The following PCDHGA2 variants were observed in gnomAD, a reference collection of about 807,000 sequenced individuals.
PCDHGA2 encodes the protein protocadherin gamma-A2.
In PCDHGA2, 40 loss-of-function variants were observed where a neutral mutation model predicts 59.2. The observed-to-expected ratio is 0.68, with a 90% confidence interval of 0.52 to 0.88. PCDHGA2 has a LOEUF of 0.88. Among genes scored for constraint, PCDHGA2 ranks in the 40% least tolerant of loss-of-function variants. The pLI, the probability that PCDHGA2 is intolerant of heterozygous loss-of-function variation, is 0.00. For missense variants in PCDHGA2, 1,226 were observed against 1,204.0 expected (o/e 1.02, Z -0.27); for synonymous variants, 560 against 526.0 (o/e 1.06, Z -0.89).
In PCDHGA2 at chr5:141,344,822, G is replaced by A. The variant is rs752360843; in HGVS notation, c.2424+3427G>A. The A allele has an allele frequency of 9.9e-6, 16 of 1,613,830 alleles. No individual in the cohort carries two copies. In the Admixed American group the frequency reaches 1.5e-4, roughly 15 times the overall value. ...TGCCTGTGGGTACCCGGCTGCTCAC[G>A]GTGAATGCCACTGACCCTGACGAGG... On this transcript the variant is annotated intron_variant, in intron 1 of 3. Transcript: ENST00000394576.
Position 141,491,742 on chromosome 5 carries a change from C to CA in PCDHGA2, c.2425-3064dup. The CA allele has an allele frequency of 3.1e-6, 5 of 1,596,114 alleles. No individual in the cohort carries two copies. Among genetic ancestry groups the CA allele is most frequent in the Non-Finnish European group, 4.3e-6 (5 of 1,172,424 alleles). ...CGCCCCGGGCGACCCCTGGGGGCGG[C>CA]ACTGGAGAAGCCGCCCGTCCTCATA... On this transcript the variant is annotated intron_variant, in intron 1 of 3. Coordinates refer to ENST00000394576, the MANE Select transcript of PCDHGA2 (RefSeq NM_018915.4). This position sits in a 1 kb window ranked among gnomAD's most constrained non-coding sequence, Gnocchi z 6.9.
chr5:141,506,216 T>A (rs2237080), intron 3 of PCDHGA2, among the ~76,000 whole-genome samples: 78,167 of 151,604 alleles, frequency 0.52, 20,820 homozygotes, highest in African/African-American at 0.63. Flanking sequence ...TTTGGGAAGC[T>A]GAGGCAGGAG....
chr5:141,510,847 A>C (rs1279701390), intron 3 of PCDHGA2, 100 bp from the exon 4 acceptor site: 1 of 1,595,232 alleles, frequency 6.3e-7, no homozygotes, highest in Non-Finnish European at 8.6e-7. Context: ...GTCAAGGCCC[A>C]GGGTGCTGTA....
chr5:141,400,120 C>G, intron 1 of PCDHGA2: 1 of 1,614,076 alleles, frequency 6.2e-7, no homozygotes, highest in Non-Finnish European at 8.5e-7. Context: ...TGACAGCTTG[C>G]AGGAGGTGCT....
rs572270591 is a variant in PCDHGA2, at chr5:141,397,633, T to C, written c.2424+56238T>C. The stretch of plus-strand genomic sequence containing the variant: ...GGCAATACTTAGTTCTAGCTAAGAG[T>C]TCAAGGTATGTTTGCAGAATGGTGA... On this transcript the variant is annotated intron_variant, in intron 1 of 3. Coordinates refer to ENST00000394576, the MANE Select transcript of PCDHGA2 (RefSeq NM_018915.4). Among the ~76,000 whole-genome samples, 5 of 152,252 alleles carry C rather than the reference T, an allele frequency of 3.3e-5. No homozygotes were observed. In the East Asian group the frequency reaches 9.7e-4, roughly 29 times the overall value.
In PCDHGA2 at chr5:141,477,524, A is replaced by G. The variant is rs1302186932; in HGVS notation, c.2425-17283A>G. The stretch of plus-strand genomic sequence containing the variant: ...CTACGACGTTTACATTGAAGAAAAC[A>G]ACCTCCCCGGGGCTCCAATACTAAA... On this transcript the variant is annotated intron_variant, in intron 1 of 3. Coordinates refer to ENST00000394576, the MANE Select transcript of PCDHGA2 (RefSeq NM_018915.4). The surrounding 1 kb of genome is among the most constrained non-coding windows in gnomAD (Gnocchi z 4.9). The G allele has an allele frequency of 1.2e-6, 2 of 1,614,122 alleles. No individual in the cohort carries two copies. Among genetic ancestry groups the G allele is most frequent in the Non-Finnish European group, 1.7e-6 (2 of 1,180,022 alleles).
chr5:141,339,594 A>G lies in PCDHGA2; in HGVS notation c.623A>G (p.His208Arg). 6.2e-7 allele frequency: 1 copy of G among 1,614,202 alleles called. No individual in the cohort carries two copies. The highest frequency in any genetic ancestry group is 8.5e-7 in the Non-Finnish European group (1 of 1,180,038). The stretch of plus-strand genomic sequence containing the variant: ...CTGGACCGCGAGGAAGAGGCTGTTC[A>G]CCACCTCGTTCTCGTGGCTTCTGAT... ...RSLDREEEAV[H>R]HLVLVASDGG... is the part of the protein sequence containing the mutation. The change falls in exon 1 of 4, where the codon CAC becomes CGC. Residue 208 changes from histidine (H) to arginine (R), a missense_variant. His to Arg is a conservative substitution (Grantham distance 29). Coordinates refer to ENST00000394576, the MANE Select transcript of PCDHGA2 (RefSeq NM_018915.4).
chr5:141,415,408 G>T, intron 1 of PCDHGA2: 1 of 1,614,224 alleles, frequency 6.2e-7, no homozygotes, highest in Non-Finnish European at 8.5e-7. Context: ...CTCGCACTTT[G>T]TGGGCGTGGA....
In PCDHGA2 at chr5:141,404,188, A is replaced by C. The variant is rs1001365354; in HGVS notation, c.2424+62793A>C. On this transcript the variant is annotated intron_variant, in intron 1 of 3. Transcript: ENST00000394576. Reference sequence around the variant, plus strand: ...TGTTGACGGCCCAAATTCTTGACCGAGAAAAAGCCTCAGAATATAATATCA... The same window carrying C: ...TGTTGACGGCCCAAATTCTTGACCGCGAAAAAGCCTCAGAATATAATATCA... 3.7e-6 allele frequency: 6 copies of C among 1,613,398 alleles called. No individual in the cohort carries two copies. The African/African-American group carries it at 5.3e-5, about 14-fold the overall frequency.
In PCDHGA2 at chr5:141,487,439, T is replaced by C. The variant is rs201458212; in HGVS notation, c.2425-7368T>C. 1 of 1,613,926 alleles carries C rather than the reference T, an allele frequency of 6.2e-7. No individual in the cohort carries two copies. Among genetic ancestry groups the C allele is most frequent in the South Asian group, 1.1e-5 (1 of 91,066 alleles). ...TGGGATCCTCCGAATCCAGCTAGGG[T>C]CAGATGACCCTATCAAGTTTGTTGA... is the stretch of plus-strand genomic sequence containing the variant. On this transcript the variant is annotated intron_variant, in intron 1 of 3. Transcript: ENST00000394576. This position sits in a 1 kb window ranked among gnomAD's most constrained non-coding sequence, Gnocchi z 5.0.
In PCDHGA2 at chr5:141,476,321, G is replaced by GT; in HGVS notation, c.2425-18485dup. ...CCTCTCAGCCCGCAGGTTCCGGGTG[G>GT]TGTCTGGAGCTAGCCGAAGATTCTT... On this transcript the variant is annotated intron_variant, in intron 1 of 3. Coordinates refer to ENST00000394576, the MANE Select transcript of PCDHGA2 (RefSeq NM_018915.4). The surrounding 1 kb of genome is among the most constrained non-coding windows in gnomAD (Gnocchi z 7.6). The GT allele has an allele frequency of 6.2e-7, 1 of 1,614,196 alleles. No individual in the cohort carries two copies. Among genetic ancestry groups the GT allele is most frequent in the Non-Finnish European group, 8.5e-7 (1 of 1,180,050 alleles).
chr5:141,408,339 T>C lies in PCDHGA2; in HGVS notation c.2424+66944T>C, dbSNP rs768142301. 1.7e-5 allele frequency: 27 copies of C among 1,613,672 alleles called. No homozygotes were observed. In the Middle Eastern group the frequency reaches 9.9e-4, roughly 59 times the overall value. ...CCGGAGGAGCTGGCCAAGGGCTCGGTGGTGGGGAACCTCGCTAAGGATCTA... is the reference window on the plus strand; with the variant it reads ...CCGGAGGAGCTGGCCAAGGGCTCGGCGGTGGGGAACCTCGCTAAGGATCTA... On this transcript the variant is annotated intron_variant, in intron 1 of 3. Coordinates refer to ENST00000394576, the MANE Select transcript of PCDHGA2 (RefSeq NM_018915.4).
In PCDHGA2 at chr5:141,366,583, G is replaced by C. The variant is rs369592022; in HGVS notation, c.2424+25188G>C. The C allele has an allele frequency of 3.1e-6, 5 of 1,614,138 alleles. No homozygotes were observed. In the African/African-American group the frequency reaches 5.3e-5, roughly 17 times the overall value. On this transcript the variant is annotated intron_variant, in intron 1 of 3. Coordinates refer to ENST00000394576, the MANE Select transcript of PCDHGA2 (RefSeq NM_018915.4). The stretch of plus-strand genomic sequence containing the variant: ...TGGATGGGGTTCGGGCTTTCCTGCA[G>C]ACCTATTCCCACGAGGTCTCCCTCA...
At chr5:141,348,417 C>A (rs903044616) in intron 1 of PCDHGA2, among the ~76,000 whole-genome samples, 42 of 151,868 alleles carry the variant, frequency 2.8e-4, no homozygotes, top group African/African-American at 9.4e-4. Flanking sequence ...GAAAAAGGCA[C>A]GTAACTTTTA....
chr5:141,383,268 A>C (rs773903039), intron 1 of PCDHGA2: 1 of 1,613,816 alleles, frequency 6.2e-7, no homozygotes, highest in Non-Finnish European at 8.5e-7. Context: ...ACGTGGAAAT[A>C]ATAGATATTA....
rs762413220 is a variant in PCDHGA2 at position 141,403,196 on chromosome 5, G to T, written c.2424+61801G>T. 1.9e-6 allele frequency: 3 copies of T among 1,613,986 alleles called. No individual in the cohort carries two copies. The South Asian group carries it at 3.3e-5, about 18-fold the overall frequency. ...GCTTTTCTCTCTGAACCCGCGCAGC[G>T]GCACCTTGGTCACCGCGGGTAGGAT... is the stretch of plus-strand genomic sequence containing the variant. On this transcript the variant is annotated intron_variant, in intron 1 of 3. Transcript: ENST00000394576.
chr5:141,489,428 G>A lies in PCDHGA2; in HGVS notation c.2425-5379G>A, dbSNP rs561792279. The A allele has an allele frequency of 2.5e-5, 40 of 1,614,112 alleles. No homozygotes were observed. In the Middle Eastern group the frequency reaches 4.9e-4, roughly 20 times the overall value. ...AAGATGACAGATCTGTTGAGCCGGC[G>A]GCTGCAATTGGGCTCTGAGGAGAAT... On this transcript the variant is annotated intron_variant, in intron 1 of 3. Transcript: ENST00000394576. This position sits in a 1 kb window ranked among gnomAD's most constrained non-coding sequence, Gnocchi z 4.5.
chr5:141,340,066 A>G lies in PCDHGA2; in HGVS notation c.1095A>G (p.Ile365Met), dbSNP rs143727841. The stretch of plus-strand genomic sequence containing the variant: ...CTGAAGACTCTCTTCCAGGAACCAT[A>G]ATTGGGCTTTTTAATGTACATGATA... ...SVSEDSLPGTIIGLFNVHDRD... is the reference protein window; with the variant it reads ...SVSEDSLPGTMIGLFNVHDRD... The change falls in exon 1 of 4, where the codon ATA becomes ATG. Residue 365 changes from isoleucine (I) to methionine (M), a missense_variant. Physicochemically the swap from Ile to Met is conservative, Grantham distance 10 (BLOSUM62 1). Transcript: ENST00000394576. 1.4e-4 allele frequency: 224 copies of G among 1,613,934 alleles called. No individual in the cohort carries two copies. Among genetic ancestry groups the G allele is most frequent in the Non-Finnish European group, 1.8e-4 (218 of 1,180,008 alleles).
At chr5:141,379,876 T>C (rs1775908667) in intron 1 of PCDHGA2, among the ~76,000 whole-genome samples, 1 of 146,348 alleles carries the variant, frequency 6.8e-6, no homozygotes, top group African/African-American at 2.5e-5. Flanking sequence ...TATTTTATGG[T>C]CTGTGAAAGC....
Sources: gnomAD v4.1 joint callset for allele counts (sites outside exome capture counted in the v4.1 genomes callset) on GRCh38, gnomAD v4.1.1 for gene constraint, Gnocchi (gnomAD v3.1) non-coding constraint, MANE v1.5 for transcripts, NCBI Gene and HGNC (gene_info 2026-07-23, HGNC 2026-07-21) for gene names.